The following SLC14A2 variants were observed in gnomAD, a reference collection of about 807,000 sequenced individuals.
SLC14A2 encodes the protein solute carrier family 14 member 2.
Under a neutral mutation model 104.6 loss-of-function variants are expected in SLC14A2, and 91 were observed. The ratio of observed to expected loss-of-function variants is 0.87; its 90% CI spans 0.73 to 1.04. The LOEUF (loss-of-function observed/expected upper bound fraction) is 1.04. Ranked by LOEUF, SLC14A2 falls within the 50% of genes least tolerant of loss-of-function variation. SLC14A2 has a pLI of 0.00. For missense variants in SLC14A2, 1,189 were observed against 1,156.0 expected (o/e 1.03, Z -0.41); for synonymous variants, 476 against 466.4 (o/e 1.02, Z -0.27).
intron 1 of SLC14A2, among the ~76,000 whole-genome samples, chr18:45,359,481 AG>A (rs1488989122): frequency 6.6e-6 from 1 of 152,222 alleles, no homozygotes. Context: ...GGACAGGCCC[AG>A]GCTGCATTCC....
At chr18:45,410,196 A>G (rs895101902) in intron 1 of SLC14A2, among the ~76,000 whole-genome samples, 10 of 152,290 alleles carry the variant, frequency 6.6e-5, no homozygotes, top group African/African-American at 2.4e-4. Flanking sequence ...GTGGCTGTCA[A>G]TACAGATGAA....
chr18:45,310,631 A>T (rs2085068997), intron 1 of SLC14A2, among the ~76,000 whole-genome samples: 1 of 152,248 alleles, frequency 6.6e-6, no homozygotes, highest in South Asian at 2.1e-4. Flanking sequence ...TGCATGTGTT[A>T]ATGGAGGCAA....
chr18:45,221,504 C>A (rs749284022), intron 1 of SLC14A2, among the ~76,000 whole-genome samples: 1 of 152,040 alleles, frequency 6.6e-6, no homozygotes, highest in South Asian at 2.1e-4. Context: ...TCACTGCAGC[C>A]GGGGAGGCAG....
chr18:45,304,815 C>T (rs1036302055), intron 1 of SLC14A2, among the ~76,000 whole-genome samples: 2 of 152,198 alleles, frequency 1.3e-5, no homozygotes, highest in Non-Finnish European at 2.9e-5. Context: ...AAAGAGGACT[C>T]AGAGGCCCAA....
chr18:45,282,162 T>C (rs17741830), intron 1 of SLC14A2, among the ~76,000 whole-genome samples: 14,701 of 151,954 alleles, frequency 0.097, 903 homozygotes, highest in African/African-American at 0.16. Flanking sequence ...CAGGTCTGAG[T>C]CCAGAGAAGG....
intron 10 of SLC14A2, among the ~76,000 whole-genome samples, chr18:45,655,747 A>G (rs1385892060): frequency 6.6e-6 from 1 of 152,240 alleles, no homozygotes; most frequent in Admixed American, 6.5e-5. Context: ...TTCAGGGGGT[A>G]TTGCGATTGG....
At chr18:45,668,327 C>T (rs1384488106) in intron 14 of SLC14A2, 22 bp from the exon 15 acceptor site, 34 of 1,613,300 alleles carry the variant, frequency 2.1e-5, no homozygotes, top group Non-Finnish European at 2.9e-5. Flanking sequence ...CCTGCTCCAC[C>T]TGACCCTCCC....
chr18:45,406,104 T>C (rs1449233686), intron 1 of SLC14A2, among the ~76,000 whole-genome samples: 1 of 152,148 alleles, frequency 6.6e-6, no homozygotes, highest in African/African-American at 2.4e-5. Flanking sequence ...TGTGATGCTA[T>C]TTGATAGTAT....
At chr18:45,300,436 C>CA (rs1568141903) in intron 1 of SLC14A2, among the ~76,000 whole-genome samples, 118 of 148,986 alleles carry the variant, frequency 7.9e-4, no homozygotes, top group African/African-American at 1.9e-3. Context: ...TGAACCCTCC[C>CA]CAAAAAAAAA....
At chr18:45,425,423 C>A (rs1267112821) in intron 1 of SLC14A2, among the ~76,000 whole-genome samples, 2 of 152,204 alleles carry the variant, frequency 1.3e-5, no homozygotes, top group African/African-American at 4.8e-5. Context: ...TGTCTCCTCT[C>A]CATCTTCTCA....
the SLC14A2 span, among the ~76,000 whole-genome samples, chr18:45,191,664 C>T: frequency 3.3e-4 from 50 of 152,268 alleles, 1 homozygote; most frequent in East Asian, 9.3e-3. Flanking sequence ...CTAGGGCTTT[C>T]TCCAAATAAA....
chr18:45,667,741 C>G, intron 13 of SLC14A2, 92 bp from the exon 14 acceptor site: 1 of 1,021,810 alleles, frequency 9.8e-7, no homozygotes, highest in Non-Finnish European at 1.5e-6. Flanking sequence ...AAACCCACTT[C>G]GGATATCCAG....
intron 1 of SLC14A2, among the ~76,000 whole-genome samples, chr18:45,226,494 A>G (rs1192868196): frequency 6.6e-6 from 1 of 152,116 alleles, no homozygotes; most frequent in African/African-American, 2.4e-5. Flanking sequence ...CAGCCATAAA[A>G]AAGGATGAGT....
chr18:45,484,584 A>T (rs935576480), intron 2 of SLC14A2, among the ~76,000 whole-genome samples: 32 of 152,202 alleles, frequency 2.1e-4, no homozygotes, highest in African/African-American at 7.7e-4. Context: ...CTCATGGTTA[A>T]GGCAATAAGC....
chr18:45,168,104 T>C, the SLC14A2 span, among the ~76,000 whole-genome samples: 1 of 152,198 alleles, frequency 6.6e-6, no homozygotes, highest in South Asian at 2.1e-4. Flanking sequence ...ATCTACAACT[T>C]CATATTCAAT....
intron 2 of SLC14A2, among the ~76,000 whole-genome samples, chr18:45,527,576 C>A (rs1339346841): frequency 2.0e-5 from 3 of 152,158 alleles, no homozygotes; most frequent in African/African-American, 7.2e-5. Context: ...ACATTCAAGT[C>A]TTTTCTACAG....
At chr18:45,355,687 C>G (rs1364817966) in intron 1 of SLC14A2, among the ~76,000 whole-genome samples, 1 of 151,650 alleles carries the variant, frequency 6.6e-6, no homozygotes, top group African/African-American at 2.4e-5. Flanking sequence ...CACACTCCCA[C>G]AGTCAGGCTA....
intron 6 of SLC14A2, among the ~76,000 whole-genome samples, chr18:45,638,503 A>T (rs906104320): frequency 6.6e-6 from 1 of 152,196 alleles, no homozygotes; most frequent in Non-Finnish European, 1.5e-5. Flanking sequence ...TCTACAGTAG[A>T]TCATCTATAA....
At position 45,273,574 on chromosome 18, in the gene SLC14A2, A is replaced by G. The variant is rs528289527; in HGVS notation, c.-125+60383A>G. On this transcript the variant is annotated intron_variant, in intron 1 of 20. Transcript: ENST00000586448. The stretch of plus-strand genomic sequence containing the variant: ...ACTCTAGACTTGACTTTTTTCTGAT[A>G]ATGTGTGTGTATTTGTGGAAAGGAG... Among the ~76,000 whole-genome samples the G allele has an allele frequency of 3.9e-5, 6 of 152,200 alleles. No homozygotes were observed. The South Asian group carries it at 1.2e-3, about 32-fold the overall frequency.
Sources: gnomAD v4.1 joint callset for allele counts (sites outside exome capture counted in the v4.1 genomes callset) on GRCh38, gnomAD v4.1.1 for gene constraint, MANE v1.5 for transcripts, NCBI Gene and HGNC (gene_info 2026-07-23, HGNC 2026-07-21) for gene names.